Variants in HIVEP2 observed in about 807,000 individuals in gnomAD.
HIVEP2 encodes HIVEP zinc finger 2, also known as transcription factor HIVEP2.
A neutral mutation model predicts 180.7 loss-of-function variants in HIVEP2; 14 were observed. The ratio of observed to expected loss-of-function variants is 0.08; its 90% CI spans 0.05 to 0.12. The LOEUF (loss-of-function observed/expected upper bound fraction) is 0.12, where lower values mean the gene tolerates loss of function less well. HIVEP2 is among the 10% of genes least tolerant of loss of function. The pLI, the probability that HIVEP2 is intolerant of heterozygous loss-of-function variation, is 1.00. For missense variants in HIVEP2, 2,579 were observed against 3,008.5 expected (o/e 0.86, Z 3.34); for synonymous variants, 1,184 against 1,136.4 (o/e 1.04, Z -0.84).
intron 3 of HIVEP2, among the ~76,000 whole-genome samples, chr6:142,780,784 G>A (rs1212137877): frequency 6.6e-6 from 1 of 152,152 alleles, no homozygotes; most frequent in Non-Finnish European, 1.5e-5. Flanking sequence ...ATGTTATACT[G>A]AGGAAAATAA....
At chr6:142,858,189 C>T (rs1188979971) in intron 1 of HIVEP2, among the ~76,000 whole-genome samples, 1 of 152,178 alleles carries the variant, frequency 6.6e-6, no homozygotes, top group Non-Finnish European at 1.5e-5. Flanking sequence ...CGTTTCTCTT[C>T]CTCACTTTGA....
chr6:142,854,288 G>T (rs901517142), intron 1 of HIVEP2, among the ~76,000 whole-genome samples: 9 of 152,118 alleles, frequency 5.9e-5, no homozygotes, highest in Non-Finnish European at 7.4e-5. Flanking sequence ...AGGGATGCTG[G>T]TAAGTATTCT....
rs566538145 is a variant in HIVEP2 at position 142,887,085 on chromosome 6, C to T, written c.-640-50038G>A. On this transcript the variant is annotated intron_variant, in intron 1 of 9. Transcript: ENST00000367603. ...TTGCTAAAGCAATTTTGAGGAAGTA[C>T]ACGTGTACCTCCATCATCCCACTCA... Among the ~76,000 whole-genome samples, 3 of 152,238 alleles carry T rather than the reference C, an allele frequency of 2.0e-5. No homozygotes were observed. The South Asian group carries it at 6.2e-4, about 32-fold the overall frequency.
chr6:142,755,340 C>A (rs375348982), intron 9 of HIVEP2, among the ~76,000 whole-genome samples: 19 of 152,132 alleles, frequency 1.2e-4, no homozygotes, highest in African/African-American at 4.3e-4. Context: ...TGCACATAGA[C>A]AAAATCCCCC....
At chr6:142,935,463 C>T (rs1409396370) in intron 1 of HIVEP2, among the ~76,000 whole-genome samples, 1 of 152,016 alleles carries the variant, frequency 6.6e-6, no homozygotes. Context: ...GTGGGAGGAT[C>T]GTTTGAGCCC....
At position 142,773,596 on chromosome 6, in the gene HIVEP2, A is replaced by G; in HGVS notation, c.1143T>C (p.Ser381=). The G allele has an allele frequency of 1.9e-6, 3 of 1,614,248 alleles. No homozygotes were observed. The Admixed American group carries it at 5.0e-5, about 27-fold the overall frequency. The change falls in exon 5 of 10, where the codon TCT becomes TCC. Residue 381 remains serine (S), a synonymous_variant. Coordinates refer to ENST00000367603, the MANE Select transcript of HIVEP2 (RefSeq NM_006734.4). The stretch of plus-strand genomic sequence containing the variant: ...GGCTCAGAAGGTTGAGCGATGGCTC[A>G]GAATCTTGTCCTTTTTTCTCTGACA... ...LRLSEKKGQD[S]EPSLNLLSPH...
intron 9 of HIVEP2, among the ~76,000 whole-genome samples, chr6:142,757,914 G>A (rs1020553329): frequency 3.9e-5 from 6 of 152,154 alleles, no homozygotes; most frequent in Non-Finnish European, 8.8e-5. Flanking sequence ...CTGAAGAATC[G>A]CATGTTTGCA....
At chr6:142,868,409 G>T (rs1283672437) in intron 1 of HIVEP2, among the ~76,000 whole-genome samples, 1 of 152,128 alleles carries the variant, frequency 6.6e-6, no homozygotes, top group Non-Finnish European at 1.5e-5. Flanking sequence ...TAAATCTCGG[G>T]CCAAGTGAAA....
intron 1 of HIVEP2, among the ~76,000 whole-genome samples, chr6:142,941,860 G>A (rs1383229740): frequency 1.3e-5 from 2 of 152,188 alleles, no homozygotes; most frequent in African/African-American, 4.8e-5. Flanking sequence ...TATTTAAACT[G>A]TGAACCGTTT....
intron 1 of HIVEP2, among the ~76,000 whole-genome samples, chr6:142,849,673 C>T (rs922259570): frequency 1.3e-4 from 20 of 152,018 alleles, no homozygotes; most frequent in African/African-American, 4.8e-4. Flanking sequence ...TGCTGCCACA[C>T]CTGGCTAATG....
At position 142,770,964 on chromosome 6, in the gene HIVEP2, G is replaced by A; in HGVS notation, c.3775C>T (p.His1259Tyr). 1 of 1,614,196 alleles carries A rather than the reference G, an allele frequency of 6.2e-7. No homozygotes were observed. The highest frequency in any genetic ancestry group is 8.5e-7 in the Non-Finnish European group (1 of 1,180,036). ...TEIHSSYPLE[H>Y]VAEHTGKKPA... is the part of the protein sequence containing the mutation. ...TTCTTTCCAGTGTGCTCTGCCACAT[G>A]CTCTAAGGGATAGCTCGAATGGATT... Residue 1259 changes from histidine to tyrosine, a missense_variant, in exon 5 of 10, where the codon CAT becomes TAT. His to Tyr is a moderately conservative substitution (Grantham distance 83, BLOSUM62 2). This residue lies in a region of HIVEP2 where 523 missense variants were observed against 577.0 expected (regional missense o/e 0.91). Transcript: ENST00000367603. The surrounding 1 kb of genome is among the most constrained non-coding windows in gnomAD (Gnocchi z 4.7).
chr6:142,755,404 G>T (rs1775039353), intron 9 of HIVEP2, among the ~76,000 whole-genome samples: 1 of 152,194 alleles, frequency 6.6e-6, no homozygotes, highest in Admixed American at 6.5e-5. Context: ...ACACCAGTTT[G>T]GGAGGAAGAC....
intron 2 of HIVEP2, among the ~76,000 whole-genome samples, chr6:142,816,987 G>T (rs1776858159): frequency 6.6e-6 from 1 of 152,074 alleles, no homozygotes; most frequent in African/African-American, 2.4e-5. Context: ...CTTGAGGACA[G>T]GACACACTTT....
chr6:142,774,427 T>G lies in HIVEP2; in HGVS notation c.312A>C (p.Ser104=). 1 of 1,614,122 alleles carries G rather than the reference T, an allele frequency of 6.2e-7. No homozygotes were observed. Among genetic ancestry groups the G allele is most frequent in the African/African-American group, 1.3e-5 (1 of 75,010 alleles). ...TGCTGTGCATGACCCCCTGTGGCAA[T>G]GAGTGCTGAGGGAAAGAGAGTGAGT... ...CQHSLSFPQH[S]LPQGVMHSTK... is the part of the protein sequence containing the mutation. Residue 104 remains serine (S), a synonymous_variant, in exon 5 of 10, where the codon TCA becomes TCC. Coordinates refer to ENST00000367603, the MANE Select transcript of HIVEP2 (RefSeq NM_006734.4). This position sits in a 1 kb window ranked among gnomAD's most constrained non-coding sequence, Gnocchi z 5.1.
chr6:142,872,566 C>T (rs557845491), intron 1 of HIVEP2, among the ~76,000 whole-genome samples: 177 of 152,248 alleles, frequency 1.2e-3, no homozygotes, highest in African/African-American at 4.1e-3. Context: ...TAAATCTGGG[C>T]GGTGGCAAGC....
At chr6:142,823,629 A>C (rs1435356514) in intron 2 of HIVEP2, among the ~76,000 whole-genome samples, 1 of 152,228 alleles carries the variant, frequency 6.6e-6, no homozygotes. Context: ...TCGTGCTCTG[A>C]TCAGTGGTTC....
chr6:142,870,425 T>C (rs1776261179), intron 1 of HIVEP2, among the ~76,000 whole-genome samples: 1 of 152,120 alleles, frequency 6.6e-6, no homozygotes, highest in South Asian at 2.1e-4. Flanking sequence ...ATAAAGCGCA[T>C]GAATTTGTTT....
At position 142,885,409 on chromosome 6, in the gene HIVEP2, G is replaced by A. The variant is rs1237959836; in HGVS notation, c.-640-48362C>T. Among the ~76,000 whole-genome samples, 9 of 151,064 alleles carry A rather than the reference G, an allele frequency of 6.0e-5. No homozygotes were observed. The South Asian group carries it at 1.7e-3, about 28-fold the overall frequency. On this transcript the variant is annotated intron_variant, in intron 1 of 9. Transcript: ENST00000367603. ...TCTGCTACCTGCCTTGAGCAACACC[G>A]TGAGCCCCTGTCTTCAAGCATTCAG...
At chr6:142,935,361 C>T (rs946984872) in intron 1 of HIVEP2, among the ~76,000 whole-genome samples, 1 of 152,156 alleles carries the variant, frequency 6.6e-6, no homozygotes, top group African/African-American at 2.4e-5. Context: ...TCAGCCTGGG[C>T]AACATGGCAA....
Sources: gnomAD v4.1 joint callset for allele counts (sites outside exome capture counted in the v4.1 genomes callset) on GRCh38, gnomAD v4.1.1 for gene constraint, gnomAD v4.1.1 regional missense constraint, Gnocchi (gnomAD v3.1) non-coding constraint, MANE v1.5 for transcripts, NCBI Gene and HGNC (gene_info 2026-07-23, HGNC 2026-07-21) for gene names.